The following KLHL13 variants were observed in gnomAD, a reference collection of about 807,000 sequenced individuals.
KLHL13 encodes the protein kelch like family member 13.
A neutral mutation model predicts 37.1 loss-of-function variants in KLHL13; 10 were observed. The ratio of observed to expected loss-of-function variants is 0.27; its 90% confidence interval spans 0.17 to 0.46. The LOEUF is 0.46. Ranked by LOEUF, KLHL13 falls within the 20% of genes least tolerant of loss-of-function variation. KLHL13 has a pLI of 1.00. For synonymous variants in KLHL13, 163 were observed against 181.2 expected (o/e 0.90, Z 0.81); for missense variants, 360 against 509.3 (o/e 0.71, Z 2.82).
intron 1 of KLHL13, among the ~76,000 whole-genome samples, chrX:118,039,848 G>A (rs1393936655): frequency 9.0e-6 from 1 of 111,376 alleles, no homozygotes; most frequent in Admixed American, 9.5e-5. Context: ...CCACAGAGGT[G>A]CTGGTGTCAC....
chrX:118,009,099 T>C, intron 1 of KLHL13, among the ~76,000 whole-genome samples: 1 of 107,501 alleles, frequency 9.3e-6, no homozygotes, highest in Non-Finnish European at 1.9e-5. Flanking sequence ...ATGGGGTTGT[T>C]TGTTTTTTTC....
At chrX:118,106,339 A>G (rs986048665) in intron 1 of KLHL13, among the ~76,000 whole-genome samples, 1 of 111,503 alleles carries the variant, frequency 9.0e-6, no homozygotes, top group African/African-American at 3.3e-5. Flanking sequence ...GAATAAGAAC[A>G]GTTAATCATG....
chrX:117,996,811 G>C (rs1279024755), intron 1 of KLHL13, among the ~76,000 whole-genome samples: 1 of 101,576 alleles, frequency 9.8e-6, no homozygotes, highest in African/African-American at 3.9e-5. Flanking sequence ...AGAAAACACT[G>C]ATCAAATCAT....
intron 1 of KLHL13, among the ~76,000 whole-genome samples, chrX:118,010,303 C>T (rs1281516221): frequency 1.9e-4 from 10 of 53,553 alleles, no homozygotes; most frequent in Non-Finnish European, 2.4e-4. Context: ...ATGTTTATTG[C>T]GGCATTATTC....
intron 1 of KLHL13, among the ~76,000 whole-genome samples, chrX:118,015,757 A>G (rs1177380989): frequency 8.9e-6 from 1 of 111,825 alleles, no homozygotes; most frequent in Non-Finnish European, 1.9e-5. Context: ...CGTCTACCAT[A>G]AGATCTTATG....
chrX:118,013,728 C>T (rs2054095690), intron 1 of KLHL13, among the ~76,000 whole-genome samples: 1 of 111,889 alleles, frequency 8.9e-6, no homozygotes, highest in Non-Finnish European at 1.9e-5. Flanking sequence ...CAACTAATAC[C>T]CCCATGTTGC....
intron 4 of KLHL13, among the ~76,000 whole-genome samples, chrX:117,914,758 A>T (rs780039310): frequency 2.4e-4 from 27 of 112,187 alleles, no homozygotes; most frequent in African/African-American, 8.7e-4. Flanking sequence ...AAAATATTCA[A>T]TTCTCTATTT....
intron 2 of KLHL13, among the ~76,000 whole-genome samples, chrX:117,939,388 T>C (rs913102098): frequency 2.7e-5 from 3 of 112,260 alleles, no homozygotes; most frequent in African/African-American, 9.7e-5. Context: ...TGAACAGTGC[T>C]GCAATAAACA....
intron 1 of KLHL13, among the ~76,000 whole-genome samples, chrX:118,004,537 T>C (rs1208982165): frequency 9.0e-6 from 1 of 111,482 alleles, no homozygotes; most frequent in Non-Finnish European, 1.9e-5. Context: ...AAAAGATACA[T>C]AAACCAGCTT....
At chrX:117,968,134 A>C (rs1489300774) in intron 1 of KLHL13, among the ~76,000 whole-genome samples, 1 of 109,967 alleles carries the variant, frequency 9.1e-6, no homozygotes, top group Non-Finnish European at 1.9e-5. Flanking sequence ...ATGTCACATG[A>C]GAAGACGCCT....
At chrX:117,989,209 T>C (rs191689034) in intron 1 of KLHL13, among the ~76,000 whole-genome samples, 1 of 111,475 alleles carries the variant, frequency 9.0e-6, no homozygotes, top group East Asian at 2.8e-4. Flanking sequence ...ATTATACCTC[T>C]TTATTTTTAA....
chrX:118,100,515 G>A (rs964002138), intron 1 of KLHL13, among the ~76,000 whole-genome samples: 6 of 111,140 alleles, frequency 5.4e-5, no homozygotes, highest in Non-Finnish European at 9.4e-5. Context: ...GAGCAAAAAC[G>A]AGAACCCATT....
At chrX:118,012,887 C>T (rs910137428) in intron 1 of KLHL13, among the ~76,000 whole-genome samples, 1 of 111,750 alleles carries the variant, frequency 8.9e-6, no homozygotes, top group South Asian at 3.8e-4. Context: ...ATATGGAATT[C>T]TTCTGTAAGG....
At chrX:117,938,883 T>C (rs1435466016) in intron 2 of KLHL13, among the ~76,000 whole-genome samples, 1 of 111,128 alleles carries the variant, frequency 9.0e-6, no homozygotes, top group Non-Finnish European at 1.9e-5. Flanking sequence ...TCTATCCTCA[T>C]ATGTATAACA....
chrX:118,081,865 A>T (rs2054997761), intron 1 of KLHL13, among the ~76,000 whole-genome samples: 1 of 110,574 alleles, frequency 9.0e-6, no homozygotes, highest in Non-Finnish European at 1.9e-5. Flanking sequence ...TTCACTTAAC[A>T]TAATGACCCC....
At chrX:117,903,204 G>GA (rs1209436561) in intron 5 of KLHL13, among the ~76,000 whole-genome samples, 2 of 105,801 alleles carry the variant, frequency 1.9e-5, no homozygotes, top group African/African-American at 7.0e-5. Context: ...GAGAGAGAGA[G>GA]ACTACTTTTC....
chrX:118,098,743 C>T (rs1158912533), intron 1 of KLHL13, among the ~76,000 whole-genome samples: 4 of 105,703 alleles, frequency 3.8e-5, no homozygotes, highest in African/African-American at 1.4e-4. Flanking sequence ...TACTATGCAG[C>T]CATAAAAAAT....
chrX:118,010,640 A>G (rs2054054484), intron 1 of KLHL13, among the ~76,000 whole-genome samples: 1 of 87,676 alleles, frequency 1.1e-5, no homozygotes, highest in Admixed American at 1.3e-4. Flanking sequence ...ACCTAATGCT[A>G]GATGACGAGT....
At chrX:118,069,420 T>TAAAAAAA (rs66906743) in intron 1 of KLHL13, among the ~76,000 whole-genome samples, 2 of 61,531 alleles carry the variant, frequency 3.3e-5, no homozygotes, top group East Asian at 6.0e-4. Flanking sequence ...GTTTAAAATG[T>TAAAAAAA]AAAAAAAAAA....
Sources: allele counts gnomAD v4.1 joint callset (sites outside exome capture counted in the v4.1 genomes callset), GRCh38; gene constraint gnomAD v4.1.1; transcripts MANE v1.5; gene names NCBI Gene and HGNC (gene_info 2026-07-23, HGNC 2026-07-21).